The following GRAMD1A variants were observed in gnomAD, a reference collection of about 807,000 sequenced individuals.
The protein encoded by GRAMD1A is protein Aster-A.
A neutral mutation model predicts 92.0 loss-of-function variants in GRAMD1A; 50 were observed. That is an observed-to-expected ratio of 0.54 (90% CI 0.43 to 0.69). The LOEUF is 0.69. GRAMD1A is among the 30% of genes least tolerant of loss of function. GRAMD1A has a pLI of 0.00. For missense variants in GRAMD1A, 819 were observed against 978.9 expected, an observed-to-expected ratio of 0.84 and a Z score of 2.18; for synonymous variants, 405 against 403.6, an observed-to-expected ratio of 1.00 and a Z score of -0.04.
At position 35,021,772 on chromosome 19, in the gene GRAMD1A, G is replaced by A. The variant is rs762971101; in HGVS notation, c.1661G>A (p.Arg554Gln). Residue 554 changes from arginine to glutamine, a missense_variant, in exon 15 of 20, where the codon CGG (arginine) becomes CAG (glutamine). Arg to Gln is a conservative substitution (Grantham distance 43). Transcript: ENST00000317991. This position sits in a 1 kb window ranked among gnomAD's most constrained non-coding sequence, Gnocchi z 5.3. ...DARGLLSGLR[R>Q]RKRPLSWRAH... ...CGGGGCTTGCTATCCGGCCTGCGGCGGCGGAAGCGGCCCCTGAGCTGGCGG... is the reference window on the plus strand; with the variant it reads ...CGGGGCTTGCTATCCGGCCTGCGGCAGCGGAAGCGGCCCCTGAGCTGGCGG... The A allele has an allele frequency of 8.7e-6, 14 of 1,612,668 alleles. No individual in the cohort carries two copies. The highest frequency in any genetic ancestry group is 1.7e-4 in the Middle Eastern group (1 of 6,058).
intron 19 of GRAMD1A, 145 bp downstream of exon 19, chr19:35,023,692 C>G: frequency 4.2e-6 from 3 of 708,756 alleles, no homozygotes; most frequent in Non-Finnish European, 6.7e-6. Context: ...GTCCCCACCC[C>G]ACAGCATTGC....
At chr19:35,020,692 A>T (rs980459830) in intron 13 of GRAMD1A, among the ~76,000 whole-genome samples, 4 of 145,810 alleles carry the variant, frequency 2.7e-5, no homozygotes, top group African/African-American at 1.0e-4. Flanking sequence ...GGTGAACCAG[A>T]TGTGGCTCAT....
rs531890653 is a variant in GRAMD1A, at chr19:35,021,160, T to C, written c.1476-342T>C. Among the ~76,000 whole-genome samples the C allele has an allele frequency of 2.6e-5, 4 of 152,218 alleles. No homozygotes were observed. The East Asian group carries it at 7.7e-4, about 29-fold the overall frequency. ...AGCTGTCTATGTTGAGCTGAGCCCA[T>C]GTGGAGCTGGGGTGCAGCAGCCGAA... On this transcript the variant is annotated intron_variant, in intron 13 of 19. Transcript: ENST00000317991. This position sits in a 1 kb window ranked among gnomAD's most constrained non-coding sequence, Gnocchi z 5.3.
chr19:35,005,536 TC>T (rs1341486424), intron 1 of GRAMD1A, among the ~76,000 whole-genome samples: 1 of 151,740 alleles, frequency 6.6e-6, no homozygotes, highest in African/African-American at 2.4e-5. Context: ...GATCCCAGGC[TC>T]CCTCCCACTA....
At chr19:34,997,054 G>T (rs1461563535), upstream of GRAMD1A, among the ~76,000 whole-genome samples, 1 of 152,016 alleles carries the variant, frequency 6.6e-6, no homozygotes, top group Non-Finnish European at 1.5e-5. Flanking sequence ...TGGGACCACA[G>T]ATGTGCACCA....
In GRAMD1A at chr19:35,013,187, T is replaced by C. The variant is rs1328505276; in HGVS notation, c.607-69T>C. The C allele has an allele frequency of 7.4e-5, 59 of 792,100 alleles. No homozygotes were observed. The South Asian group carries it at 8.7e-4, about 12-fold the overall frequency. The allele number at this position is 792,100 out of a possible 1,614,324, so 49.1% of individuals were successfully genotyped here. On this transcript the variant is annotated intron_variant, in intron 7 of 19. Coordinates refer to ENST00000317991, the MANE Select transcript of GRAMD1A (RefSeq NM_020895.5). This position sits in a 1 kb window ranked among gnomAD's most constrained non-coding sequence, Gnocchi z 4.9. ...GGGAACTGCGGAGGCCGAGGGCTGG[T>C]GGGGAATCTGGCGGGCCGGGCTCTG... is the stretch of plus-strand genomic sequence containing the variant.
rs747603307 is a variant in GRAMD1A at position 35,023,192 on chromosome 19, G to A, written c.1854-44G>A. ...ATGTAGTTGTTTGGGGGTGTTCAGA[G>A]CATCTAGACCCCAGGAATCCTGACC... On this transcript the variant is annotated intron_variant, in intron 17 of 19. Coordinates refer to ENST00000317991, the MANE Select transcript of GRAMD1A (RefSeq NM_020895.5). 4 of 1,389,714 alleles carry A rather than the reference G, an allele frequency of 2.9e-6. No individual in the cohort carries two copies. In the South Asian group the frequency reaches 3.5e-5, roughly 12 times the overall value. 86.1% of individuals were successfully genotyped at this position (1,389,714 alleles called of 1,614,324 possible). A position where few individuals can be genotyped will look rare whatever the true frequency, so the allele number is the denominator to read the frequency against.
At chr19:34,997,792 C>A (rs576098040), upstream of GRAMD1A, among the ~76,000 whole-genome samples, 1 of 152,156 alleles carries the variant, frequency 6.6e-6, no homozygotes, top group South Asian at 2.1e-4. Flanking sequence ...AGGGTCCAGG[C>A]GTGCTGGCTC....
upstream of GRAMD1A, among the ~76,000 whole-genome samples, chr19:34,997,392 A>AAAAC (rs1483104629): frequency 2.6e-5 from 4 of 151,252 alleles, no homozygotes; most frequent in Non-Finnish European, 5.9e-5. Flanking sequence ...AAAAAACAAA[A>AAAAC]AAAAAAAAAA....
In GRAMD1A at chr19:35,015,909, G is replaced by C; in HGVS notation, c.1155G>C (p.Gln385His). 6.2e-6 allele frequency: 10 copies of C among 1,614,142 alleles called. No homozygotes were observed. Among genetic ancestry groups the C allele is most frequent in the Non-Finnish European group, 7.6e-6 (9 of 1,180,002 alleles). Residue 385 changes from glutamine to histidine, a missense_variant, in exon 11 of 20, where the codon CAG becomes CAC. This residue lies in a region of GRAMD1A where 577 missense variants were observed against 674.6 expected (regional missense o/e 0.86). Transcript: ENST00000317991. ...VFHVGAERLQ[Q>H]MLFSDSPFLQ... ...ATGTGGGCGCTGAGCGGCTCCAGCA[G>C]ATGCTCTTCTCGGACTCGCCCTTCC...
Position 35,021,355 on chromosome 19 carries a change from A to AT in GRAMD1A, c.1476-146dup. 3 of 650,572 alleles carry AT rather than the reference A, an allele frequency of 4.6e-6. No homozygotes were observed. Among genetic ancestry groups the AT allele is most frequent in the Non-Finnish European group, 5.5e-6 (2 of 360,782 alleles). The allele number at this position is 650,572 out of a possible 1,614,324, so 40.3% of individuals were successfully genotyped here. On this transcript the variant is annotated intron_variant, in intron 13 of 19. Transcript: ENST00000317991. This position sits in a 1 kb window ranked among gnomAD's most constrained non-coding sequence, Gnocchi z 5.3. ...GGTGTATGGGGTATCCAGGGAAGCCATGGGGGGTAGGGAACCCATCTGTTT... is the reference window on the plus strand; with the variant it reads ...GGTGTATGGGGTATCCAGGGAAGCCATTGGGGGGTAGGGAACCCATCTGTTT...
At chr19:35,010,671 G>A (rs1216322478) in intron 6 of GRAMD1A, 2 of 585,524 alleles carry the variant, frequency 3.4e-6, no homozygotes, top group Non-Finnish European at 6.0e-6. Context: ...TCTCCCCGAT[G>A]TTGTGTCCTG....
At chr19:35,008,371 C>T (rs544831787) in intron 1 of GRAMD1A, among the ~76,000 whole-genome samples, 12 of 117,714 alleles carry the variant, frequency 1.0e-4, no homozygotes, top group African/African-American at 3.9e-4. Flanking sequence ...TTTGAGAGCT[C>T]GCTATGTGCC....
upstream of GRAMD1A, chr19:35,000,086 G>T: frequency 1.0e-6 from 1 of 988,454 alleles, no homozygotes; most frequent in Non-Finnish European, 1.2e-6. The surrounding 1 kb of genome is among the most constrained non-coding windows in gnomAD (Gnocchi z 4.9). Flanking sequence ...CTGCGGGCAG[G>T]CAGCTGCCTC....
In GRAMD1A at chr19:35,010,022, C is replaced by G. The variant is rs761237660; in HGVS notation, c.325+50C>G. ...GCTCCTAGCCCAGCCCTGTGACTCT[C>G]CGCCAGCCCGCGGGCGCCGGCTGAG... On this transcript the variant is annotated intron_variant, in intron 4 of 19. Coordinates refer to ENST00000317991, the MANE Select transcript of GRAMD1A (RefSeq NM_020895.5). 5 of 1,531,608 alleles carry G rather than the reference C, an allele frequency of 3.3e-6. No homozygotes were observed. In the East Asian group the frequency reaches 1.1e-4, roughly 34 times the overall value. 94.9% of individuals were successfully genotyped at this position (1,531,608 alleles called of 1,614,324 possible).
In GRAMD1A at chr19:35,010,343, C is replaced by G. The variant is rs1045022070; in HGVS notation, c.489C>G (p.Ile163Met). Residue 163 changes from isoleucine (I) to methionine (M), a missense_variant, in exon 6 of 20, where the codon ATC becomes ATG. Physicochemically the swap from Ile to Met is conservative, Grantham distance 10. Coordinates refer to ENST00000317991, the MANE Select transcript of GRAMD1A (RefSeq NM_020895.5). ...CLKKEKTAKL[I>M]PNAIQICTES... ...AGAAGGAAAAGACGGCCAAGCTGAT[C>G]CCCAACGCCATCCAGATCTGCACGG... The G allele has an allele frequency of 7.4e-6, 12 of 1,613,564 alleles. No individual in the cohort carries two copies. Among genetic ancestry groups the G allele is most frequent in the Non-Finnish European group, 1.7e-6 (2 of 1,179,554 alleles).
At chr19:35,008,868 T>C (rs559286471) in intron 1 of GRAMD1A, among the ~76,000 whole-genome samples, 1 of 152,326 alleles carries the variant, frequency 6.6e-6, no homozygotes, top group South Asian at 2.1e-4. Context: ...TTACATGTCC[T>C]GATTTGTTTA....
At chr19:35,020,681 A>AG (rs2015985198) in intron 13 of GRAMD1A, among the ~76,000 whole-genome samples, 1 of 148,282 alleles carries the variant, frequency 6.7e-6, no homozygotes, top group Non-Finnish European at 1.5e-5. Context: ...AAAAAAAAAA[A>AG]GGTGAACCAG....
Position 35,013,498 on chromosome 19 carries a change from G to A in GRAMD1A, c.720-43G>A. On this transcript the variant is annotated intron_variant, in intron 8 of 19. Transcript: ENST00000317991. This position sits in a 1 kb window ranked among gnomAD's most constrained non-coding sequence, Gnocchi z 4.9. The stretch of plus-strand genomic sequence containing the variant: ...TGGAGGATTCAGGAGGGTGTATGGG[G>A]TCTCAAGGACACAGCAGTCCCGCTT... The A allele has an allele frequency of 6.3e-7, 1 of 1,579,910 alleles. No homozygotes were observed. Among genetic ancestry groups the A allele is most frequent in the South Asian group, 1.1e-5 (1 of 87,142 alleles).
Sources: gnomAD v4.1 joint callset for allele counts (sites outside exome capture counted in the v4.1 genomes callset) on GRCh38, gnomAD v4.1.1 for gene constraint, gnomAD v4.1.1 regional missense constraint, Gnocchi (gnomAD v3.1) non-coding constraint, MANE v1.5 for transcripts, NCBI Gene and HGNC (gene_info 2026-07-23, HGNC 2026-07-21) for gene names.